MYO10: variants seen among roughly 807,000 people sequenced by gnomAD.
MYO10 encodes unconventional myosin-X.
In MYO10, 133 loss-of-function variants were observed where a neutral mutation model predicts 257.3. The ratio of observed to expected loss-of-function variants is 0.52; its 90% CI spans 0.45 to 0.60. The LOEUF is 0.60. MYO10 is among the 20% of genes least tolerant of loss of function. The pLI, the probability that MYO10 is intolerant of heterozygous loss-of-function variation, is 0.00. For missense variants in MYO10, 2,399 were observed against 2,635.7 expected (o/e 0.91, Z 1.97); for synonymous variants, 1,104 against 1,028.6 (o/e 1.07, Z -1.40).
At chr5:16,767,086 GTATA>G in intron 10 of MYO10, among the ~76,000 whole-genome samples, 2 of 150,588 alleles carry the variant, frequency 1.3e-5, no homozygotes, top group African/African-American at 4.9e-5. Context: ...TCTCTCACCA[GTATA>G]CAGAAGAGTA....
chr5:16,744,770 A>G (rs999123025), intron 19 of MYO10, among the ~76,000 whole-genome samples: 2 of 152,088 alleles, frequency 1.3e-5, no homozygotes, highest in African/African-American at 4.8e-5. Context: ...GGCAGTAAAA[A>G]GGTAAGCAAA....
chr5:16,922,545 C>A (rs927387040), intron 1 of MYO10, among the ~76,000 whole-genome samples: 3 of 152,168 alleles, frequency 2.0e-5, no homozygotes, highest in Non-Finnish European at 4.4e-5. Context: ...GTGACCCATT[C>A]AGCAACCTCT....
Position 16,889,929 on chromosome 5 carries a change from C to T in MYO10, c.22-12222G>A, listed in dbSNP as rs151200203. Reference sequence around the variant, plus strand: ...GGGGAGAGAAATGCCTACAAATAAACAAACTGATAAGATTTTCTTAATGGA... The same window carrying T: ...GGGGAGAGAAATGCCTACAAATAAATAAACTGATAAGATTTTCTTAATGGA... On this transcript the variant is annotated intron_variant, in intron 1 of 40. Transcript: ENST00000513610. Among the ~76,000 whole-genome samples the T allele has an allele frequency of 1.1e-3, 163 of 151,704 alleles. 5 individuals carry two copies. Among genetic ancestry groups the T allele is most frequent in the African/African-American group, 3.8e-3 (157 of 41,104 alleles).
In MYO10 at chr5:16,683,775, G is replaced by A. The variant is rs547520418; in HGVS notation, c.4046+105C>T. On this transcript the variant is annotated intron_variant, in intron 30 of 40. Coordinates refer to ENST00000513610, the MANE Select transcript of MYO10 (RefSeq NM_012334.3). The stretch of plus-strand genomic sequence containing the variant: ...ACAAGGTGGGAACACACAGCCTTGC[G>A]TGATTTCACAGCCCTGTGAAGAGGG... 31 of 1,133,076 alleles carry A rather than the reference G, an allele frequency of 2.7e-5. No homozygotes were observed. The African/African-American group carries it at 3.1e-4, about 11-fold the overall frequency. 70.2% of individuals were successfully genotyped at this position (1,133,076 alleles called of 1,614,324 possible). A position where few individuals can be genotyped will look rare whatever the true frequency, so the allele number is the denominator to read the frequency against.
chr5:16,735,421 G>T (rs1024273400), intron 19 of MYO10, among the ~76,000 whole-genome samples: 1 of 152,126 alleles, frequency 6.6e-6, no homozygotes, highest in Non-Finnish European at 1.5e-5. Flanking sequence ...ATGCTACCAT[G>T]AGGCCAGGTG....
At position 16,703,125 on chromosome 5, in the gene MYO10, C is replaced by T. The variant is rs746998652; in HGVS notation, c.2310G>A (p.Val770=). Residue 770 remains valine (V), a synonymous_variant, in exon 23 of 41, where the codon GTG becomes GTA. Coordinates refer to ENST00000513610, the MANE Select transcript of MYO10 (RefSeq NM_012334.3). Reference sequence around the variant, plus strand: ...ATGCTCTGTAATTCTTCTGTATTATCACCACACAATAAAGGACCTTTCTGT... The same window carrying T: ...ATGCTCTGTAATTCTTCTGTATTATTACCACACAATAAAGGACCTTTCTGT... ...KQYRKVLYCV[V]IIQKNYRAFL... is the part of the protein sequence containing the mutation. The T allele has an allele frequency of 6.3e-7, 1 of 1,596,828 alleles. No individual in the cohort carries two copies. The highest frequency in any genetic ancestry group is 8.5e-7 in the Non-Finnish European group (1 of 1,170,922).
At chr5:16,713,392 T>A in intron 19 of MYO10, 1 of 985,804 alleles carries the variant, frequency 1.0e-6, no homozygotes, top group Non-Finnish European at 1.2e-6. Flanking sequence ...AAAATTCATA[T>A]GGAAAACAAC....
In MYO10 at chr5:16,733,596, G is replaced by A. The variant is rs115597417; in HGVS notation, c.1929+21232C>T. Among the ~76,000 whole-genome samples, 817 of 144,262 alleles carry A rather than the reference G, an allele frequency of 5.7e-3. 4 individuals are homozygous for A. Among genetic ancestry groups the A allele is most frequent in the Non-Finnish European group, 9.1e-3 (601 of 66,166 alleles). The allele number at this position is 144,262 out of a possible 152,430, so 94.6% of individuals were successfully genotyped here. ...TGGGAAGAGGGTATTGGTGAGCTGC[G>A]CATCCTAGGAGTCCTTTTCTTGCTT... On this transcript the variant is annotated intron_variant, in intron 19 of 40. Coordinates refer to ENST00000513610, the MANE Select transcript of MYO10 (RefSeq NM_012334.3).
At position 16,701,810 on chromosome 5, in the gene MYO10, A is replaced by G; in HGVS notation, c.2585T>C (p.Leu862Pro). The change falls in exon 25 of 41, where the codon CTC (leucine) becomes CCC (proline). Residue 862 changes from leucine to proline, a missense_variant. Leu to Pro is a moderately conservative substitution (Grantham distance 98). This residue lies in a region of MYO10 where 1,820 missense variants were observed against 1,939.4 expected (regional missense o/e 0.94). Transcript: ENST00000513610. This position sits in a 1 kb window ranked among gnomAD's most constrained non-coding sequence, Gnocchi z 8.1. ...CTTCTGGCTCTTCTGCAAGGCTTCG[A>G]GTTCTTGCTGCTTCCTCGTTTCTTC... ...QEEETRKQQE[L>P]EALQKSQKEA... The G allele has an allele frequency of 6.2e-7, 1 of 1,606,996 alleles. No homozygotes were observed. Among genetic ancestry groups the G allele is most frequent in the Middle Eastern group, 1.7e-4 (1 of 5,994 alleles).
chr5:16,667,132 T>C (rs545438480), intron 40 of MYO10, among the ~76,000 whole-genome samples: 12 of 152,298 alleles, frequency 7.9e-5, no homozygotes, highest in African/African-American at 2.4e-4. Context: ...CTATCCCCGC[T>C]TAAAATAAAT....
At chr5:16,903,150 G>A (rs1459259206) in intron 1 of MYO10, among the ~76,000 whole-genome samples, 1 of 152,238 alleles carries the variant, frequency 6.6e-6, no homozygotes, top group East Asian at 1.9e-4. Flanking sequence ...GCTCACGCCT[G>A]TAATCCCAGC....
chr5:16,895,259 G>C (rs1745184133), intron 1 of MYO10, among the ~76,000 whole-genome samples: 1 of 152,208 alleles, frequency 6.6e-6, no homozygotes, highest in Admixed American at 6.5e-5. Context: ...CTCCCTCAGG[G>C]GAATCAAGGG....
chr5:16,720,605 C>T (rs58091496), intron 19 of MYO10, among the ~76,000 whole-genome samples: 2,326 of 152,198 alleles, frequency 0.015, 58 homozygotes, highest in African/African-American at 0.054. Flanking sequence ...AATATAGGCA[C>T]GTGCCACCAC....
intron 1 of MYO10, among the ~76,000 whole-genome samples, chr5:16,935,451 C>A (rs775520064): frequency 6.6e-6 from 1 of 152,152 alleles, no homozygotes; most frequent in African/African-American, 2.4e-5. Context: ...TGCACCCGGG[C>A]AGTCGAGCGG....
chr5:16,720,984 A>G (rs986118526), intron 19 of MYO10, among the ~76,000 whole-genome samples: 1 of 152,216 alleles, frequency 6.6e-6, no homozygotes, highest in African/African-American at 2.4e-5. Context: ...GCACTGCTAC[A>G]GAGAGGATTT....
intron 3 of MYO10, among the ~76,000 whole-genome samples, chr5:16,816,570 C>T (rs1252607425): frequency 2.0e-5 from 3 of 148,574 alleles, no homozygotes; most frequent in African/African-American, 5.0e-5. Context: ...GTCTTGCTGT[C>T]GCCTGGTTGG....
intron 19 of MYO10, among the ~76,000 whole-genome samples, chr5:16,739,033 AAC>A (rs1200016741): frequency 1.3e-5 from 2 of 152,112 alleles, no homozygotes; most frequent in Admixed American, 1.3e-4. Context: ...ATTAAAAAGC[AAC>A]ACAGAGCCAG....
chr5:16,917,279 A>G (rs1344415561), intron 1 of MYO10, among the ~76,000 whole-genome samples: 1 of 152,218 alleles, frequency 6.6e-6, no homozygotes, highest in African/African-American at 2.4e-5. Flanking sequence ...TAGAAAATGC[A>G]GCATATTAAA....
At chr5:16,862,616 T>C (rs1744137298) in intron 2 of MYO10, among the ~76,000 whole-genome samples, 1 of 152,222 alleles carries the variant, frequency 6.6e-6, no homozygotes, top group South Asian at 2.1e-4. Flanking sequence ...AGCATTCAAA[T>C]AAAAGAATTA....
Sources: gnomAD v4.1 joint callset for allele counts (sites outside exome capture counted in the v4.1 genomes callset) on GRCh38, gnomAD v4.1.1 for gene constraint, gnomAD v4.1.1 regional missense constraint, Gnocchi (gnomAD v3.1) non-coding constraint, MANE v1.5 for transcripts, NCBI Gene and HGNC (gene_info 2026-07-23, HGNC 2026-07-21) for gene names.